The following DNM1 variants were observed in gnomAD, a reference collection of about 807,000 sequenced individuals.
DNM1 encodes dynamin-1.
Under a neutral mutation model 104.6 loss-of-function variants are expected in DNM1, and 29 were observed. The observed-to-expected ratio is 0.28, with a 90% confidence interval of 0.21 to 0.38. The LOEUF (loss-of-function observed/expected upper bound fraction) is 0.38. Among genes scored for constraint, DNM1 ranks in the 10% least tolerant of loss-of-function variants. The pLI is 1.00. For synonymous variants in DNM1, 445 were observed against 475.8 expected (o/e 0.94, Z 0.84); for missense variants, 640 against 1,189.4 (o/e 0.54, Z 6.79).
chr9:128,215,995 T>C (rs1303271934), intron 1 of DNM1, among the ~76,000 whole-genome samples: 5 of 151,462 alleles, frequency 3.3e-5, no homozygotes, highest in African/African-American at 1.2e-4. Flanking sequence ...GAGTAAAGGA[T>C]GGGAGAGATT....
intron 1 of DNM1, among the ~76,000 whole-genome samples, chr9:128,217,051 C>T (rs1054312514): frequency 1.3e-5 from 2 of 152,170 alleles, no homozygotes; most frequent in Non-Finnish European, 2.9e-5. Flanking sequence ...GGACAGAGAA[C>T]CGGCACCCAC....
intron 1 of DNM1, chr9:128,204,758 T>C (rs1382173674): frequency 6.5e-6 from 1 of 152,698 alleles, no homozygotes; most frequent in Non-Finnish European, 1.5e-5. Flanking sequence ...CAGAAACTCT[T>C]GCTTTCTTCC....
intron 14 of DNM1, 27 bp from the exon 15 acceptor site, chr9:128,242,205 C>T: frequency 2.2e-6 from 3 of 1,369,048 alleles, no homozygotes; most frequent in Non-Finnish European, 3.1e-6. Flanking sequence ...GCCCTGTCCA[C>T]TGACCTCCTG....
intron 1 of DNM1, among the ~76,000 whole-genome samples, chr9:128,207,169 G>C (rs1227079521): frequency 6.6e-6 from 1 of 152,070 alleles, no homozygotes; most frequent in Admixed American, 6.5e-5. Flanking sequence ...CTGGGGGGAT[G>C]GGGGAAGACC....
Position 128,254,565 on chromosome 9 carries a change from C to T in DNM1, c.2535-89C>T. The T allele has an allele frequency of 6.3e-7, 1 of 1,586,100 alleles. No homozygotes were observed. On this transcript the variant is annotated intron_variant, in intron 21 of 21. Coordinates refer to ENST00000372923, the MANE Select transcript of DNM1 (RefSeq NM_004408.4). This position sits in a 1 kb window ranked among gnomAD's most constrained non-coding sequence, Gnocchi z 6.1. Reference sequence around the variant, plus strand: ...CCCTCCCACCACTGCTGCGGCGCGGCCGGCCCCGGCCGTGTGCTGCGCTTG... The same window carrying T: ...CCCTCCCACCACTGCTGCGGCGCGGTCGGCCCCGGCCGTGTGCTGCGCTTG...
intron 13 of DNM1, 95 bp downstream of exon 13, chr9:128,239,874 G>A (rs938237885): frequency 2.2e-5 from 34 of 1,566,880 alleles, no homozygotes; most frequent in South Asian, 5.6e-5. Context: ...AGGGTCCCAC[G>A]GGGGCCAGGG....
At position 128,250,069 on chromosome 9, in the gene DNM1, C is replaced by T. The variant is rs1829420900; in HGVS notation, c.2077-46C>T. On this transcript the variant is annotated intron_variant, in intron 19 of 21. Transcript: ENST00000372923. Reference sequence around the variant, plus strand: ...GGGCCCGGTGGGGCGGCCAGGGCGGCACAGGCATCAGGTCCCCACCTCCTT... The same window carrying T: ...GGGCCCGGTGGGGCGGCCAGGGCGGTACAGGCATCAGGTCCCCACCTCCTT... 10 of 1,613,386 alleles carry T rather than the reference C, an allele frequency of 6.2e-6. No homozygotes were observed. The South Asian group carries it at 9.9e-5, about 16-fold the overall frequency.
At chr9:128,238,290 T>C (rs1033376289) in intron 11 of DNM1, among the ~76,000 whole-genome samples, 1 of 152,102 alleles carries the variant, frequency 6.6e-6, no homozygotes, top group African/African-American at 2.4e-5. Context: ...AATGGCACAA[T>C]CTCGGCTCAC....
At position 128,203,454 on chromosome 9, in the gene DNM1, C is replaced by T; in HGVS notation, c.-17C>T. 2.7e-6 allele frequency: 4 copies of T among 1,461,988 alleles called. No individual in the cohort carries two copies. The highest frequency in any genetic ancestry group is 1.5e-5 in the African/African-American group (1 of 68,194). 90.6% of individuals were successfully genotyped at this position (1,461,988 alleles called of 1,614,324 possible). On this transcript the variant is annotated 5_prime_UTR_variant, in exon 1 of 22. Coordinates refer to ENST00000372923, the MANE Select transcript of DNM1 (RefSeq NM_004408.4). The surrounding 1 kb of genome is among the most constrained non-coding windows in gnomAD (Gnocchi z 5.3). ...CTAGCGGCAGCCGGATCGCAGCCTG[C>T]GGGGCCCGCCGCAGCCATGGGCAAC...
At chr9:128,228,624 C>A (rs1011078575) in intron 10 of DNM1, among the ~76,000 whole-genome samples, 17 of 152,194 alleles carry the variant, frequency 1.1e-4, no homozygotes, top group Middle Eastern at 6.8e-3. Context: ...GAAACAATCG[C>A]AGAGAAAGAA....
Position 128,248,145 on chromosome 9 carries a change from G to A in DNM1, c.1905+210G>A, listed in dbSNP as rs1418986548. 2.6e-5 allele frequency: 16 copies of A among 626,380 alleles called. No individual in the cohort carries two copies. The highest frequency in any genetic ancestry group is 1.6e-4 in the South Asian group (9 of 56,854). 38.8% of individuals were successfully genotyped at this position (626,380 alleles called of 1,614,324 possible). On this transcript the variant is annotated intron_variant, in intron 18 of 21. Coordinates refer to ENST00000372923, the MANE Select transcript of DNM1 (RefSeq NM_004408.4). This position sits in a 1 kb window ranked among gnomAD's most constrained non-coding sequence, Gnocchi z 5.6. ...AGTTCGAGACCAGCCTGGCCAACACGGTGAAACCCCACCTCTACTAAAAAT... is the reference window on the plus strand; with the variant it reads ...AGTTCGAGACCAGCCTGGCCAACACAGTGAAACCCCACCTCTACTAAAAAT...
chr9:128,251,279 G>T, intron 21 of DNM1: 1 of 484,880 alleles, frequency 2.1e-6, no homozygotes, highest in South Asian at 1.6e-5. Context: ...TCTTCTTCTT[G>T]CTGTCCTCCA....
At chr9:128,234,760 T>G (rs1005414852) in intron 11 of DNM1, 5 of 152,252 alleles carry the variant, frequency 3.3e-5, no homozygotes, top group African/African-American at 1.2e-4. Context: ...TCCCGGCAGC[T>G]GGCAGCCACC....
chr9:128,250,696 C>T (rs1829466774), intron 20 of DNM1, 29 bp from the exon 21 acceptor site: 1 of 1,454,326 alleles, frequency 6.9e-7, no homozygotes, highest in Non-Finnish European at 9.0e-7. Context: ...TCTCGCCTCT[C>T]CTTGTTCCTC....
At chr9:128,239,549 C>T in intron 12 of DNM1, 34 bp downstream of exon 12, 1 of 1,539,584 alleles carries the variant, frequency 6.5e-7, no homozygotes, top group Non-Finnish European at 9.0e-7. Flanking sequence ...GTGAGTGCTC[C>T]CTGGGCAGAG....
Position 128,248,043 on chromosome 9 carries a change from T to C in DNM1, c.1905+108T>C, listed in dbSNP as rs758901114. 37 of 1,509,478 alleles carry C rather than the reference T, an allele frequency of 2.5e-5. No individual in the cohort carries two copies. The Middle Eastern group carries it at 6.9e-4, about 28-fold the overall frequency. 93.5% of individuals were successfully genotyped at this position (1,509,478 alleles called of 1,614,324 possible). On this transcript the variant is annotated intron_variant, in intron 18 of 21. Coordinates refer to ENST00000372923, the MANE Select transcript of DNM1 (RefSeq NM_004408.4). This position sits in a 1 kb window ranked among gnomAD's most constrained non-coding sequence, Gnocchi z 5.6. Reference sequence around the variant, plus strand: ...GAGATGTTCTTTTCTAATTTCTGGATTGGGGCCAGGCGCAGTGGCTCACAC... The same window carrying C: ...GAGATGTTCTTTTCTAATTTCTGGACTGGGGCCAGGCGCAGTGGCTCACAC...
In DNM1 at chr9:128,222,574, G is replaced by T; in HGVS notation, c.1106G>T (p.Arg369Leu). The change falls in exon 8 of 22, where the codon CGC becomes CTC. Residue 369 changes from arginine to leucine, a missense_variant. Physicochemically the swap from Arg to Leu is moderately radical, Grantham distance 102. This residue lies in a region of DNM1 where 38 missense variants were observed against 113.5 expected (regional missense o/e 0.33). Transcript: ENST00000372923. This position sits in a 1 kb window ranked among gnomAD's most constrained non-coding sequence, Gnocchi z 7.8. ...GARINRIFHERFPFELVKMEF... is the reference protein window; with the variant it reads ...GARINRIFHELFPFELVKMEF... ...CGCATTAACCGAATCTTCCACGAGC[G>T]CTTCCCTTTCGAGCTGGTCAAGGTA... The T allele has an allele frequency of 6.2e-7, 1 of 1,614,128 alleles. No individual in the cohort carries two copies. Among genetic ancestry groups the T allele is most frequent in the Non-Finnish European group, 8.5e-7 (1 of 1,180,020 alleles).
chr9:128,227,009 C>CTTTTTTTTTT (rs369464140), intron 10 of DNM1, among the ~76,000 whole-genome samples: 1 of 101,770 alleles, frequency 9.8e-6, no homozygotes, highest in African/African-American at 4.3e-5. Flanking sequence ...ATCTCCATTC[C>CTTTTTTTTTT]TTTTTTTTTT....
At chr9:128,223,581 G>A (rs898583330) in intron 9 of DNM1, 1 of 152,184 alleles carries the variant, frequency 6.6e-6, no homozygotes, top group Non-Finnish European at 1.5e-5. Flanking sequence ...ACAGAAAAAA[G>A]ATCTCTTTCC....
Sources: allele counts gnomAD v4.1 joint callset (sites outside exome capture counted in the v4.1 genomes callset), GRCh38; gene constraint gnomAD v4.1.1; regional missense constraint gnomAD v4.1.1; non-coding constraint Gnocchi (gnomAD v3.1); transcripts MANE v1.5; gene names NCBI Gene and HGNC (gene_info 2026-07-23, HGNC 2026-07-21).